LRRN1: variants seen among roughly 807,000 people sequenced by gnomAD.
The protein encoded by LRRN1 is leucine rich repeat neuronal 1.
In LRRN1, 14 loss-of-function variants were observed where a neutral mutation model predicts 45.8. The observed-to-expected ratio is 0.31, with a 90% CI of 0.20 to 0.48. The LOEUF (loss-of-function observed/expected upper bound fraction) is 0.48, where lower values mean the gene tolerates loss of function less well. Ranked by LOEUF, LRRN1 falls within the 20% of genes least tolerant of loss-of-function variation. The pLI is 0.99. For missense variants in LRRN1, 789 were observed against 874.2 expected (o/e 0.90, Z 1.23); for synonymous variants, 359 against 330.1 (o/e 1.09, Z -0.95).
chr3:3,825,829 TTTATAA>T (rs1318409816), intron 1 of LRRN1, among the ~76,000 whole-genome samples: 1 of 152,204 alleles, frequency 6.6e-6, no homozygotes, highest in African/African-American at 2.4e-5. Context: ...ATAAACTGAG[TTTATAA>T]TTATAGATTT....
intron 1 of LRRN1, among the ~76,000 whole-genome samples, chr3:3,809,994 G>A (rs1316399383): frequency 1.3e-5 from 2 of 152,142 alleles, no homozygotes; most frequent in South Asian, 2.1e-4. Flanking sequence ...TATGAAGTCC[G>A]TAGTTGACAT....
At chr3:3,802,294 C>T (rs968227199) in intron 1 of LRRN1, among the ~76,000 whole-genome samples, 1 of 152,204 alleles carries the variant, frequency 6.6e-6, no homozygotes, top group African/African-American at 2.4e-5. Context: ...GTGGGCCGCA[C>T]GTGAGGCAGG....
chr3:3,813,489 G>C (rs545872872), intron 1 of LRRN1, among the ~76,000 whole-genome samples: 1 of 152,120 alleles, frequency 6.6e-6, no homozygotes, highest in Non-Finnish European at 1.5e-5. Flanking sequence ...AAGATGCTGA[G>C]TTATCCTTTA....
chr3:3,839,487 T>C (rs183864247), intron 1 of LRRN1, among the ~76,000 whole-genome samples: 5 of 152,302 alleles, frequency 3.3e-5, no homozygotes, highest in African/African-American at 1.2e-4. Context: ...CTTGATCTTA[T>C]ATGAATTTTA....
intron 1 of LRRN1, among the ~76,000 whole-genome samples, chr3:3,836,843 T>C (rs1200823383): frequency 6.6e-6 from 1 of 152,116 alleles, no homozygotes; most frequent in African/African-American, 2.4e-5. Context: ...ATAAGAAGGT[T>C]CATCAGTAAA....
chr3:3,835,874 AAAG>A (rs925227726), intron 1 of LRRN1, among the ~76,000 whole-genome samples: 2 of 152,140 alleles, frequency 1.3e-5, no homozygotes, highest in South Asian at 2.1e-4. Flanking sequence ...GGAAAAAAAA[AAAG>A]AAGCATCAAA....
intron 1 of LRRN1, among the ~76,000 whole-genome samples, chr3:3,834,491 T>C (rs1693442666): frequency 9.6e-6 from 1 of 104,530 alleles, no homozygotes; most frequent in South Asian, 3.3e-4. Flanking sequence ...GGTACCAAAA[T>C]CTGTATTAGC....
chr3:3,828,165 C>G (rs550590319), intron 1 of LRRN1, among the ~76,000 whole-genome samples: 1 of 149,562 alleles, frequency 6.7e-6, no homozygotes, highest in African/African-American at 2.4e-5. Context: ...ATATATATAT[C>G]TCCCATTAGT....
chr3:3,828,140 AT>A, intron 1 of LRRN1, among the ~76,000 whole-genome samples: 1 of 148,642 alleles, frequency 6.7e-6, no homozygotes, highest in Non-Finnish European at 1.5e-5. Flanking sequence ...AATTATATAT[AT>A]ATATATATAT....
At chr3:3,828,906 A>C (rs191770501) in intron 1 of LRRN1, among the ~76,000 whole-genome samples, 7 of 151,894 alleles carry the variant, frequency 4.6e-5, no homozygotes, top group Non-Finnish European at 1.0e-4. Flanking sequence ...CGTAGCTGGT[A>C]TTGATGACTA....
chr3:3,807,183 C>T (rs143444657), intron 1 of LRRN1, among the ~76,000 whole-genome samples: 2 of 152,244 alleles, frequency 1.3e-5, no homozygotes, highest in East Asian at 1.9e-4. Context: ...TACCTAATGG[C>T]TTATCTTAAG....
chr3:3,831,093 G>A (rs1156821289), intron 1 of LRRN1, among the ~76,000 whole-genome samples: 2 of 152,258 alleles, frequency 1.3e-5, no homozygotes, highest in East Asian at 1.9e-4. Context: ...CAGCAGCCAG[G>A]GCTTGTTGTA....
chr3:3,837,410 A>G (rs898978574), intron 1 of LRRN1, among the ~76,000 whole-genome samples: 9 of 151,970 alleles, frequency 5.9e-5, no homozygotes, highest in African/African-American at 2.2e-4. Flanking sequence ...CCCTTCAAGC[A>G]CCATTCCTTG....
chr3:3,825,109 G>C (rs537114503), intron 1 of LRRN1, among the ~76,000 whole-genome samples: 54 of 152,314 alleles, frequency 3.5e-4, no homozygotes, highest in African/African-American at 1.3e-3. Context: ...ATTCATGCCA[G>C]CTGGCACTGG....
chr3:3,837,773 G>C (rs967369941), intron 1 of LRRN1, among the ~76,000 whole-genome samples: 2 of 151,424 alleles, frequency 1.3e-5, no homozygotes, highest in Non-Finnish European at 2.9e-5. Context: ...GGATGTGCAG[G>C]TTTGTTACAT....
At chr3:3,829,221 C>T (rs1240263741) in intron 1 of LRRN1, among the ~76,000 whole-genome samples, 1 of 152,090 alleles carries the variant, frequency 6.6e-6, no homozygotes, top group Non-Finnish European at 1.5e-5. Context: ...GGGTCAATCA[C>T]ACCAGCCAAA....
At chr3:3,826,618 A>T (rs566708295) in intron 1 of LRRN1, among the ~76,000 whole-genome samples, 1 of 152,152 alleles carries the variant, frequency 6.6e-6, no homozygotes, top group East Asian at 1.9e-4. Context: ...TGCATTACGG[A>T]GACTATTATA....
intron 1 of LRRN1, among the ~76,000 whole-genome samples, chr3:3,828,330 C>T (rs940258375): frequency 1.3e-5 from 2 of 151,854 alleles, no homozygotes; most frequent in Admixed American, 6.6e-5. Flanking sequence ...GCATCCAGCA[C>T]GGGAGAAAGA....
Position 3,844,567 on chromosome 3 carries a change from A to G in LRRN1, c.-75A>G. 1.8e-6 allele frequency: 2 copies of G among 1,112,668 alleles called. No individual in the cohort carries two copies. The highest frequency in any genetic ancestry group is 2.6e-6 in the Non-Finnish European group (2 of 768,194). 68.9% of individuals were successfully genotyped at this position (1,112,668 alleles called of 1,614,324 possible). ...GTTTACATTTTCTGCTCGCTGTCCT[A>G]CATATCACAATATAGTGTTCACGTT... is the stretch of plus-strand genomic sequence containing the variant. On this transcript the variant is annotated 5_prime_UTR_variant, in exon 2 of 2. Coordinates refer to ENST00000319331, the MANE Select transcript of LRRN1 (RefSeq NM_020873.7).
Sources: gnomAD v4.1 joint callset for allele counts (sites outside exome capture counted in the v4.1 genomes callset) on GRCh38, gnomAD v4.1.1 for gene constraint, MANE v1.5 for transcripts, NCBI Gene and HGNC (gene_info 2026-07-23, HGNC 2026-07-21) for gene names.